THBS4: variants seen among roughly 807,000 people sequenced by gnomAD.
THBS4 encodes thrombospondin 4.
In THBS4, 90 loss-of-function variants were observed where a neutral mutation model predicts 115.7. The observed-to-expected ratio is 0.78, with a 90% CI of 0.66 to 0.93. The LOEUF (loss-of-function observed/expected upper bound fraction) is 0.93, where lower values mean the gene tolerates loss of function less well. THBS4 is among the 40% of genes least tolerant of loss of function. THBS4 has a pLI of 0.00. For synonymous variants in THBS4, 460 were observed against 479.3 expected (o/e 0.96, Z 0.53); for missense variants, 1,087 against 1,232.7 (o/e 0.88, Z 1.77).
chr5:80,066,021 G>C (rs1833808645), intron 9 of THBS4, among the ~76,000 whole-genome samples: 1 of 150,346 alleles, frequency 6.7e-6, no homozygotes, highest in Non-Finnish European at 1.5e-5. Flanking sequence ...CATGAACCCG[G>C]CAGGCGGAGC....
In THBS4 at chr5:80,076,995, CT is replaced by C; in HGVS notation, c.2034del (p.Gly679AspfsTer49). On this transcript the variant is annotated frameshift_variant, in exon 16 of 22. Transcript: ENST00000350881. LOFTEE classifies it high-confidence loss of function. ...DNDGIPDLVP[P>X]GPDNCRLVPN... ...GATGGTATCCCAGACCTGGTGCCCCCTGGACCAGACAACTGCCGGCTGGTCC... is the reference window on the plus strand; with the variant it reads ...GATGGTATCCCAGACCTGGTGCCCCCGGACCAGACAACTGCCGGCTGGTCC... The C allele has an allele frequency of 6.2e-7, 1 of 1,613,036 alleles. No individual in the cohort carries two copies. The highest frequency in any genetic ancestry group is 8.5e-7 in the Non-Finnish European group (1 of 1,179,516).
chr5:80,002,714 C>A (rs1831926945), intron 2 of THBS4, among the ~76,000 whole-genome samples: 2 of 135,116 alleles, frequency 1.5e-5, no homozygotes, highest in Admixed American at 7.9e-5. Flanking sequence ...AGTAGAGAAA[C>A]ACTGGACAGC....
At position 80,070,681 on chromosome 5, in the gene THBS4, T is replaced by A. The variant is rs1294489681; in HGVS notation, c.1491T>A (p.Asp497Glu). The A allele has an allele frequency of 1.2e-6, 2 of 1,614,190 alleles. No individual in the cohort carries two copies. Among genetic ancestry groups the A allele is most frequent in the Non-Finnish European group, 1.7e-6 (2 of 1,180,032 alleles). ...CKYVPNSGQEDADRDGIGDAC... is the reference protein window; with the variant it reads ...CKYVPNSGQEEADRDGIGDAC... ...ATGTGCCAAATTCTGGCCAAGAAGA[T>A]GCAGACAGAGATGGCATTGGCGACG... Residue 497 changes from aspartate (D) to glutamate (E), a missense_variant, in exon 12 of 22, where the codon GAT (aspartate) becomes GAA (glutamate). Physicochemically the swap from Asp to Glu is conservative, Grantham distance 45. Around this residue, in one of 3 missense-constraint regions of THBS4, gnomAD observed 979 missense variants for 1,103.7 expected, o/e 0.89. Transcript: ENST00000350881.
At chr5:80,000,175 G>C (rs1831869117) in intron 2 of THBS4, among the ~76,000 whole-genome samples, 2 of 152,102 alleles carry the variant, frequency 1.3e-5, no homozygotes, top group African/African-American at 4.8e-5. Flanking sequence ...GATTACACCT[G>C]CATAAAGCTG....
chr5:80,078,971 T>A lies in THBS4; in HGVS notation c.2314+2T>A. The A allele has an allele frequency of 6.2e-7, 1 of 1,614,114 alleles. No individual in the cohort carries two copies. Among genetic ancestry groups the A allele is most frequent in the Non-Finnish European group, 8.5e-7 (1 of 1,179,972 alleles). The stretch of plus-strand genomic sequence containing the variant: ...ACAGTGATCCTGGCCTGGCAGTGGG[T>A]ATGTCCAGGGCCTCAGTTGCCACTC... On this transcript the variant is annotated splice_donor_variant, in intron 18 of 21. Transcript: ENST00000350881. LOFTEE classifies it high-confidence loss of function.
upstream of THBS4, among the ~76,000 whole-genome samples, chr5:80,032,787 C>T (rs1832610218): frequency 6.6e-6 from 1 of 152,176 alleles, no homozygotes; most frequent in Non-Finnish European, 1.5e-5. Flanking sequence ...ATGGTGCCTA[C>T]CCAGATTGAG....
intron 9 of THBS4, chr5:80,067,725 A>G (rs1387599769): frequency 2.5e-6 from 1 of 401,282 alleles, no homozygotes; most frequent in African/African-American, 2.1e-5. Context: ...ATTGGTTCAC[A>G]GTCCAGCCTT....
Position 80,072,350 on chromosome 5 carries a change from T to A in THBS4, c.1793T>A (p.Val598Glu). The A allele has an allele frequency of 6.2e-7, 1 of 1,614,178 alleles. No individual in the cohort carries two copies. Among genetic ancestry groups the A allele is most frequent in the African/African-American group, 1.3e-5 (1 of 75,048 alleles). ...CAACGGGACAAGGATGGTGATGGTG[T>A]GGGGGATGCCTGTGACAGTTGTCCT... ...RDQRDKDGDGVGDACDSCPDV... is the reference protein window; with the variant it reads ...RDQRDKDGDGEGDACDSCPDV... The change falls in exon 14 of 22, where the codon GTG becomes GAG. Residue 598 changes from valine to glutamate, a missense_variant. This residue lies in a region of THBS4 where 979 missense variants were observed against 1,103.7 expected (regional missense o/e 0.89). Transcript: ENST00000350881.
intron 2 of THBS4, among the ~76,000 whole-genome samples, chr5:80,001,020 A>G (rs923573744): frequency 6.6e-6 from 1 of 152,178 alleles, no homozygotes; most frequent in African/African-American, 2.4e-5. Context: ...ACTTGTACCT[A>G]TGGACATCAC....
At chr5:80,033,129 C>T (rs1412945670), upstream of THBS4, 1 of 325,930 alleles carries the variant, frequency 3.1e-6, no homozygotes, top group South Asian at 3.1e-5. Flanking sequence ...AACAAAAATA[C>T]ACACGGTCAT....
intron 4 of THBS4, among the ~76,000 whole-genome samples, 174 bp from the exon 5 acceptor site, chr5:80,058,534 C>CATT (rs1339357442): frequency 4.2e-5 from 6 of 142,422 alleles, no homozygotes; most frequent in African/African-American, 1.5e-4. Context: ...TCAGTGGCAT[C>CATT]ATTATCATTA....
intron 2 of THBS4, among the ~76,000 whole-genome samples, chr5:80,054,159 C>CTTTTCTT (rs1298916519): frequency 7.9e-5 from 7 of 88,590 alleles, no homozygotes; most frequent in African/African-American, 2.2e-4. Flanking sequence ...CTTTTCTTTT[C>CTTTTCTT]TTTTTTTTTT....
chr5:80,020,749 G>A (rs1268279608), intron 2 of THBS4, among the ~76,000 whole-genome samples: 4 of 152,054 alleles, frequency 2.6e-5, no homozygotes, highest in African/African-American at 4.8e-5. Context: ...TGGCAATCTC[G>A]GGCACGTTGC....
At chr5:80,010,906 A>C (rs1832111234) in intron 2 of THBS4, among the ~76,000 whole-genome samples, 1 of 152,202 alleles carries the variant, frequency 6.6e-6, no homozygotes, top group South Asian at 2.1e-4. Context: ...GTCAGCCAGT[A>C]GCCTTGCAGT....
At chr5:80,057,032 A>G (rs1227831310) in intron 3 of THBS4, among the ~76,000 whole-genome samples, 3 of 152,188 alleles carry the variant, frequency 2.0e-5, no homozygotes, top group Admixed American at 6.5e-5. Context: ...AATTCCAAGA[A>G]AGCTAAAATC....
rs78837383 is a variant in THBS4 at position 79,991,842 on chromosome 5, C to T, written n.81+430C>T. Reference sequence around the variant, plus strand: ...CAAAAATGAGCTTAACTCACCTTCCCTGTGATGTTTTTACAAAGTTAGGAG... The same window carrying T: ...CAAAAATGAGCTTAACTCACCTTCCTTGTGATGTTTTTACAAAGTTAGGAG... On this transcript the variant is annotated intron_variant and non_coding_transcript_variant, in intron 1 of 3. Coordinates refer to the THBS4 transcript ENST00000510218. 7.4e-4 allele frequency among the ~76,000 whole-genome samples: 113 copies of T among 152,328 alleles called. 2 individuals are homozygous for T. Among genetic ancestry groups the T allele is most frequent in the South Asian group, 2.9e-3 (14 of 4,826 alleles).
intron 2 of THBS4, among the ~76,000 whole-genome samples, chr5:80,021,699 T>G (rs1832381078): frequency 6.6e-6 from 1 of 152,110 alleles, no homozygotes; most frequent in African/African-American, 2.4e-5. Flanking sequence ...TTTTGTATAT[T>G]TTGTAGAGAC....
intron 2 of THBS4, among the ~76,000 whole-genome samples, chr5:80,004,871 G>T (rs1020825948): frequency 1.3e-5 from 2 of 151,994 alleles, no homozygotes; most frequent in African/African-American, 4.8e-5. Context: ...CTGAATAGCT[G>T]GGATTACAGG....
intron 13 of THBS4, among the ~76,000 whole-genome samples, chr5:80,071,522 G>A (rs1166113834): frequency 6.6e-6 from 1 of 152,096 alleles, no homozygotes; most frequent in Non-Finnish European, 1.5e-5. Context: ...CTACATGTGA[G>A]AGACCCAGAA....
Sources: allele counts gnomAD v4.1 joint callset (sites outside exome capture counted in the v4.1 genomes callset), GRCh38; gene constraint gnomAD v4.1.1; regional missense constraint gnomAD v4.1.1; transcripts MANE v1.5; gene names NCBI Gene and HGNC (gene_info 2026-07-23, HGNC 2026-07-21).